Variants in HENMT1 observed in about 807,000 individuals in gnomAD.
HENMT1 encodes the protein HEN methyltransferase 1, also known as small RNA 2'-O-methyltransferase.
Under a neutral mutation model 31.1 loss-of-function variants are expected in HENMT1, and 27 were observed. The ratio of observed to expected loss-of-function variants is 0.87; its 90% CI spans 0.64 to 1.20. HENMT1 has a LOEUF of 1.20. Ranked by LOEUF, HENMT1 falls within the 50% of genes most tolerant of loss-of-function variation. The pLI is 0.00. For missense variants in HENMT1, 438 were observed against 469.6 expected, an observed-to-expected ratio of 0.93 and a Z score of 0.62; for synonymous variants, 167 against 172.2, an observed-to-expected ratio of 0.97 and a Z score of 0.24.
At chr1:108,654,258 C>A (rs181617981) in intron 5 of HENMT1, among the ~76,000 whole-genome samples, 2 of 152,154 alleles carry the variant, frequency 1.3e-5, no homozygotes, top group Non-Finnish European at 2.9e-5. Context: ...TGTTTTTATA[C>A]CAGAACCACG....
chr1:108,649,924 GATCACA>G, intron 7 of HENMT1: 1 of 465,068 alleles, frequency 2.2e-6, no homozygotes, highest in Non-Finnish European at 4.0e-6. Context: ...AACATGCTAG[GATCACA>G]GGTGTGAGCC....
At chr1:108,650,803 C>T (rs1005530731) in intron 6 of HENMT1, among the ~76,000 whole-genome samples, 1 of 152,192 alleles carries the variant, frequency 6.6e-6, no homozygotes, top group Non-Finnish European at 1.5e-5. Flanking sequence ...GCCAGTACTA[C>T]AGATGCCTTC....
intron 1 of HENMT1, among the ~76,000 whole-genome samples, 175 bp downstream of exon 1, chr1:108,660,788 G>A (rs1479267190): frequency 1.3e-5 from 2 of 151,330 alleles, no homozygotes; most frequent in African/African-American, 2.4e-5. Flanking sequence ...GCCGGGCGTA[G>A]TGGCGGGCGC....
At chr1:108,654,095 G>C (rs1171925171) in intron 5 of HENMT1, among the ~76,000 whole-genome samples, 1 of 152,080 alleles carries the variant, frequency 6.6e-6, no homozygotes, top group African/African-American at 2.4e-5. Context: ...ATTTCATTCT[G>C]CATATGGATA....
upstream of HENMT1, chr1:108,661,135 A>ACGCCGG (rs1390604595): frequency 2.3e-5 from 9 of 388,954 alleles, no homozygotes; most frequent in African/African-American, 1.5e-4. Context: ...CGCCGCGGCT[A>ACGCCGG]CGCCGGCGCC....
intron 5 of HENMT1, 64 bp from the exon 6 acceptor site, chr1:108,651,273 GATTT>G (rs1243830435): frequency 1.5e-6 from 2 of 1,370,798 alleles, no homozygotes; most frequent in South Asian, 2.6e-5. Context: ...TTTTCTAATT[GATTT>G]ATCAAAAACA....
chr1:108,652,900 C>T (rs561429649), intron 5 of HENMT1, among the ~76,000 whole-genome samples: 9 of 151,422 alleles, frequency 5.9e-5, no homozygotes, highest in East Asian at 5.9e-4. Context: ...GCCGAGATCG[C>T]GCCATTGCAC....
At chr1:108,659,554 T>C (rs537635191) in intron 2 of HENMT1, among the ~76,000 whole-genome samples, 1 of 152,288 alleles carries the variant, frequency 6.6e-6, no homozygotes, top group East Asian at 1.9e-4. Context: ...TAGACCTCCT[T>C]AAACAGAATC....
In HENMT1 at chr1:108,659,966, T is replaced by C. The variant is rs1658393404; in HGVS notation, c.-78-4A>G. ...GAGAGAATCAGCACTGACTCAGCTG[T>C]AATAAATACAAAACCGTTTTTGTAA... On this transcript the variant is annotated splice_region_variant and splice_polypyrimidine_tract_variant and intron_variant, in intron 1 of 7. Transcript: ENST00000651461. The C allele has an allele frequency of 1.2e-5, 18 of 1,484,326 alleles. No homozygotes were observed. Among genetic ancestry groups the C allele is most frequent in the Non-Finnish European group, 1.5e-5 (17 of 1,117,938 alleles). The allele number at this position is 1,484,326 out of a possible 1,614,324, so 91.9% of individuals were successfully genotyped here. A position where few individuals can be genotyped will look rare whatever the true frequency, so the allele number is the denominator to read the frequency against.
At chr1:108,660,899 G>A in intron 1 of HENMT1, 64 bp downstream of exon 1, 6 of 800,140 alleles carry the variant, frequency 7.5e-6, no homozygotes, top group Non-Finnish European at 9.1e-6. Context: ...ACTCCAGCCT[G>A]GGCGACAGAG....
intron 5 of HENMT1, among the ~76,000 whole-genome samples, chr1:108,652,290 A>G (rs1658080824): frequency 6.6e-6 from 1 of 152,260 alleles, no homozygotes; most frequent in South Asian, 2.1e-4. Flanking sequence ...GGTTATGGTA[A>G]GAAGTCTTTG....
chr1:108,649,469 A>C (rs150021771), intron 7 of HENMT1: 1 of 440,860 alleles, frequency 2.3e-6, no homozygotes, highest in African/African-American at 2.0e-5. Context: ...AACAAAAAAA[A>C]GCTGAGCATG....
chr1:108,658,136 T>A (rs1012240596), intron 2 of HENMT1, among the ~76,000 whole-genome samples: 27 of 149,392 alleles, frequency 1.8e-4, no homozygotes, highest in Non-Finnish European at 3.0e-4. Flanking sequence ...TATATATATT[T>A]TTTTTTTCCC....
At chr1:108,656,720 T>C (rs984433467) in intron 3 of HENMT1, among the ~76,000 whole-genome samples, 2 of 152,126 alleles carry the variant, frequency 1.3e-5, no homozygotes, top group Admixed American at 1.3e-4. Flanking sequence ...TGCCTCAGCC[T>C]CCCAAAGTGC....
At chr1:108,649,503 C>A in intron 7 of HENMT1, 1 of 398,024 alleles carries the variant, frequency 2.5e-6, no homozygotes, top group Non-Finnish European at 5.0e-6. Flanking sequence ...GTCGTCCTAG[C>A]TACTTAGGAG....
intron 5 of HENMT1, among the ~76,000 whole-genome samples, chr1:108,653,769 G>GT (rs1330491186): frequency 6.6e-6 from 1 of 152,026 alleles, no homozygotes; most frequent in South Asian, 2.1e-4. Context: ...TTTATTTGGG[G>GT]TTTTTTTGCT....
chr1:108,649,932 G>A, intron 7 of HENMT1: 1 of 487,882 alleles, frequency 2.0e-6, no homozygotes, highest in East Asian at 4.7e-5. Flanking sequence ...AGGATCACAG[G>A]TGTGAGCCAC....
At position 108,651,689 on chromosome 1, in the gene HENMT1, GAAAA is replaced by G. The variant is rs563773395; in HGVS notation, c.399-484_399-481del. On this transcript the variant is annotated intron_variant, in intron 5 of 7. Transcript: ENST00000651461. The stretch of plus-strand genomic sequence containing the variant: ...AGAAGGAAGGAAGGAAGGAAAGAAA[GAAAA>G]GAAAGAGAGAGAGACAGACAGAAAG... 2.2e-5 allele frequency among the ~76,000 whole-genome samples: 3 copies of G among 138,304 alleles called. No individual in the cohort carries two copies. In the South Asian group the frequency reaches 7.1e-4, roughly 33 times the overall value. 90.7% of individuals were successfully genotyped at this position (138,304 alleles called of 152,430 possible). A position where few individuals can be genotyped will look rare whatever the true frequency, so the allele number is the denominator to read the frequency against.
chr1:108,648,758 G>A lies in HENMT1; in HGVS notation c.990C>T (p.Pro330=), dbSNP rs889787037. 3 of 1,614,148 alleles carry A rather than the reference G, an allele frequency of 1.9e-6. No individual in the cohort carries two copies. The highest frequency in any genetic ancestry group is 2.2e-5 in the East Asian group (1 of 44,872). Residue 330 remains proline (P), a synonymous_variant, in exon 8 of 8, where the codon CCC becomes CCT. Coordinates refer to ENST00000651461, the MANE Select transcript of HENMT1 (RefSeq NM_001102592.2). The part of the protein sequence containing the change: ...EVEKAKIENS[P]TPFCVGDKFF... ...ATTTATCTCCAACACAGAAGGGTGT[G>A]GGAGAGTTCTCTATCTTGGCCTTCT...
Sources: allele counts gnomAD v4.1 joint callset (sites outside exome capture counted in the v4.1 genomes callset), GRCh38; gene constraint gnomAD v4.1.1; transcripts MANE v1.5; gene names NCBI Gene and HGNC (gene_info 2026-07-23, HGNC 2026-07-21).